The following SUSD6 variants were observed in gnomAD, a reference collection of about 807,000 sequenced individuals.
SUSD6 encodes sushi domain-containing protein 6.
In SUSD6, 16 loss-of-function variants were observed where a neutral mutation model predicts 28.4. That is an observed-to-expected ratio of 0.56 (90% CI 0.38 to 0.86). The LOEUF (loss-of-function observed/expected upper bound fraction) is 0.86. SUSD6 is among the 40% of genes least tolerant of loss of function. The pLI is 0.00. For synonymous variants in SUSD6, 147 were observed against 159.6 expected, an observed-to-expected ratio of 0.92 and a Z score of 0.59; for missense variants, 341 against 384.2, an observed-to-expected ratio of 0.89 and a Z score of 0.94.
At chr14:69,706,919 C>G (rs1371837317) in intron 4 of SUSD6, among the ~76,000 whole-genome samples, 1 of 151,994 alleles carries the variant, frequency 6.6e-6, no homozygotes, top group Non-Finnish European at 1.5e-5. Context: ...GACACAGCAT[C>G]ACCTAGGATT....
rs545523442 is a variant in SUSD6, at chr14:69,672,107, A to G, written c.121+13394A>G. Among the ~76,000 whole-genome samples the G allele has an allele frequency of 2.6e-5, 4 of 152,340 alleles. No homozygotes were observed. The South Asian group carries it at 8.3e-4, about 32-fold the overall frequency. On this transcript the variant is annotated intron_variant, in intron 2 of 5. Coordinates refer to ENST00000342745, the MANE Select transcript of SUSD6 (RefSeq NM_014734.4). Reference sequence around the variant, plus strand: ...GCACTTCGTTAACACTAACTGGTTAATCCACCATCCATCCCTGGTTGGAGG... The same window carrying G: ...GCACTTCGTTAACACTAACTGGTTAGTCCACCATCCATCCCTGGTTGGAGG...
intron 1 of SUSD6, among the ~76,000 whole-genome samples, chr14:69,653,361 A>G (rs538265709): frequency 1.1e-4 from 16 of 152,332 alleles, no homozygotes; most frequent in African/African-American, 3.4e-4. Context: ...AAAGCCGGCT[A>G]TTGGGGTAAG....
intron 3 of SUSD6, among the ~76,000 whole-genome samples, 163 bp from the exon 4 acceptor site, chr14:69,704,441 G>T (rs1163133469): frequency 1.3e-5 from 2 of 152,168 alleles, no homozygotes; most frequent in Non-Finnish European, 2.9e-5. Flanking sequence ...AAAGAACTGT[G>T]TATACATAGG....
chr14:69,688,565 A>G (rs1035494578), intron 2 of SUSD6, among the ~76,000 whole-genome samples: 4 of 152,322 alleles, frequency 2.6e-5, no homozygotes, highest in Admixed American at 2.0e-4. Flanking sequence ...ACTGACCACA[A>G]GATATCTTTG....
At chr14:69,655,054 A>G (rs1471136225) in intron 1 of SUSD6, among the ~76,000 whole-genome samples, 4 of 151,682 alleles carry the variant, frequency 2.6e-5, no homozygotes, top group Admixed American at 2.6e-4. Context: ...CGGCCTCCCA[A>G]AGTGCTGGGA....
At chr14:69,646,414 A>G (rs543297606) in intron 1 of SUSD6, among the ~76,000 whole-genome samples, 50 of 152,180 alleles carry the variant, frequency 3.3e-4, no homozygotes, top group African/African-American at 1.1e-3. Flanking sequence ...CATGGTTTCA[A>G]CTGTCACTTA....
intron 1 of SUSD6, among the ~76,000 whole-genome samples, chr14:69,621,535 C>G (rs1369982579): frequency 6.6e-6 from 1 of 152,162 alleles, no homozygotes. Flanking sequence ...TATTATGGGG[C>G]TGAAGACCAG....
intron 5 of SUSD6, among the ~76,000 whole-genome samples, chr14:69,710,211 G>T (rs1461717279): frequency 1.3e-5 from 2 of 152,066 alleles, no homozygotes; most frequent in African/African-American, 4.8e-5. Flanking sequence ...GCCAAGGTGG[G>T]GCCCTCCTCT....
chr14:69,628,914 C>A (rs983725129), intron 1 of SUSD6, among the ~76,000 whole-genome samples: 4 of 151,942 alleles, frequency 2.6e-5, no homozygotes, highest in Admixed American at 6.6e-5. Context: ...GCCATGTTAC[C>A]CAGGCTGGTC....
At chr14:69,618,320 A>G (rs1177279989) in intron 1 of SUSD6, among the ~76,000 whole-genome samples, 1 of 152,200 alleles carries the variant, frequency 6.6e-6, no homozygotes, top group Non-Finnish European at 1.5e-5. Context: ...CATCCCTGAG[A>G]TACCTGATTA....
chr14:69,706,802 A>C (rs1886393464), intron 4 of SUSD6, among the ~76,000 whole-genome samples: 1 of 152,170 alleles, frequency 6.6e-6, no homozygotes, highest in Non-Finnish European at 1.5e-5. Context: ...CACAGATTTT[A>C]CTGCCAAGAG....
At chr14:69,639,956 GTTTT>G (rs11463756) in intron 1 of SUSD6, among the ~76,000 whole-genome samples, 1,655 of 81,676 alleles carry the variant, frequency 0.02, 44 homozygotes, top group African/African-American at 0.073. Flanking sequence ...CACCTACACT[GTTTT>G]TTTTTTTTTT....
At chr14:69,627,638 G>A (rs1595032448) in intron 1 of SUSD6, among the ~76,000 whole-genome samples, 1 of 151,996 alleles carries the variant, frequency 6.6e-6, no homozygotes, top group African/African-American at 2.4e-5. Context: ...CTAATTTTTT[G>A]TATTTTTAGT....
intron 1 of SUSD6, among the ~76,000 whole-genome samples, chr14:69,641,550 G>A (rs1421526402): frequency 6.6e-6 from 1 of 151,790 alleles, no homozygotes; most frequent in Non-Finnish European, 1.5e-5. Context: ...TTTATTTCAG[G>A]TATTGGTATT....
chr14:69,669,062 C>CTTT (rs58962166), intron 2 of SUSD6, among the ~76,000 whole-genome samples: 10 of 77,964 alleles, frequency 1.3e-4, no homozygotes, highest in Non-Finnish European at 1.8e-4. Context: ...CTTTTCTTTT[C>CTTT]TTTTTTTTTT....
intron 1 of SUSD6, among the ~76,000 whole-genome samples, chr14:69,625,615 A>G (rs753788974): frequency 5.3e-5 from 8 of 152,192 alleles, no homozygotes; most frequent in African/African-American, 1.4e-4. Context: ...GCAAGGGTCA[A>G]TGTGGGGCTG....
intron 2 of SUSD6, among the ~76,000 whole-genome samples, chr14:69,667,016 C>G (rs1362434081): frequency 6.6e-6 from 1 of 152,188 alleles, no homozygotes; most frequent in Non-Finnish European, 1.5e-5. Context: ...GTAGTAGACA[C>G]ATGTCTCCTT....
intron 1 of SUSD6, among the ~76,000 whole-genome samples, chr14:69,650,434 C>A (rs1885487188): frequency 6.6e-6 from 1 of 152,100 alleles, no homozygotes; most frequent in Non-Finnish European, 1.5e-5. Flanking sequence ...TAGTATCTGC[C>A]ATAATTTTTC....
chr14:69,677,146 C>T (rs975565505), intron 2 of SUSD6, among the ~76,000 whole-genome samples: 1 of 152,248 alleles, frequency 6.6e-6, no homozygotes, highest in Non-Finnish European at 1.5e-5. Flanking sequence ...ACTCTGACAG[C>T]ACCTGGGTCA....
Sources: gnomAD v4.1 joint callset for allele counts (sites outside exome capture counted in the v4.1 genomes callset) on GRCh38, gnomAD v4.1.1 for gene constraint, MANE v1.5 for transcripts, NCBI Gene and HGNC (gene_info 2026-07-23, HGNC 2026-07-21) for gene names.